The following PIK3IP1 variants were observed in gnomAD, a reference collection of about 807,000 sequenced individuals.
PIK3IP1 encodes the protein phosphoinositide-3-kinase interacting protein 1, also known as phosphoinositide-3-kinase-interacting protein 1.
In PIK3IP1, 28 loss-of-function variants were observed where a neutral mutation model predicts 30.7. The observed-to-expected ratio is 0.91, with a 90% confidence interval of 0.68 to 1.25. PIK3IP1 has a LOEUF of 1.25. Among genes scored for constraint, PIK3IP1 ranks in the 50% most tolerant of loss-of-function variants. PIK3IP1 has a pLI of 0.00. For missense variants in PIK3IP1, 333 were observed against 346.2 expected (o/e 0.96, Z 0.30); for synonymous variants, 159 against 140.8 (o/e 1.13, Z -0.91).
intron 3 of PIK3IP1, 108 bp from the exon 4 acceptor site, chr22:31,289,807 T>A: frequency 3.3e-6 from 4 of 1,197,314 alleles, no homozygotes; most frequent in Non-Finnish European, 4.7e-6. Context: ...ACCTAAGAAT[T>A]TCCCCCCACA....
At position 31,290,674 on chromosome 22, in the gene PIK3IP1, G is replaced by A; in HGVS notation, c.307+291C>T. The A allele has an allele frequency of 7.8e-6, 3 of 383,958 alleles. No individual in the cohort carries two copies. In the South Asian group the frequency reaches 1.4e-4, roughly 18 times the overall value. 23.8% of individuals were successfully genotyped at this position (383,958 alleles called of 1,614,324 possible). The stretch of plus-strand genomic sequence containing the variant: ...GACGCTCCGCAAACGGTCAATAAAC[G>A]CTGAGGGGCCAAAAGCCACTCCTCA... On this transcript the variant is annotated intron_variant, in intron 3 of 5. Transcript: ENST00000215912.
rs1329845731 is a variant in PIK3IP1, at chr22:31,289,647, A to G, written c.360T>C (p.Ser120=). The G allele has an allele frequency of 4.5e-6, 7 of 1,554,598 alleles. No individual in the cohort carries two copies. Among genetic ancestry groups the G allele is most frequent in the East Asian group, 4.8e-5 (2 of 41,666 alleles). Reference sequence around the variant, plus strand: ...GCACCTCATCTGCACCTGGCCCTTCAGACGCTTCCTGGATTTCTGTCGTGA... The same window carrying G: ...GCACCTCATCTGCACCTGGCCCTTCGGACGCTTCCTGGATTTCTGTCGTGA... ...PAFTTEIQEA[S]EGPGADEVQV... Residue 120 remains serine, a synonymous_variant, in exon 4 of 6, where the codon TCT becomes TCC. Coordinates refer to ENST00000215912, the MANE Select transcript of PIK3IP1 (RefSeq NM_052880.5).
chr22:31,290,678 A>AG (rs1016672665), intron 3 of PIK3IP1: 2 of 394,624 alleles, frequency 5.1e-6, no homozygotes, highest in Non-Finnish European at 4.5e-6. Flanking sequence ...ATAAACGCTG[A>AG]GGGGCCAAAA....
chr22:31,283,422 CA>C (rs1214796829), intron 5 of PIK3IP1, 134 bp from the exon 6 acceptor site: 21 of 886,620 alleles, frequency 2.4e-5, no homozygotes, highest in Middle Eastern at 2.4e-4. Flanking sequence ...AGCCAGGACC[CA>C]AACTCAGGTC....
At position 31,290,882 on chromosome 22, in the gene PIK3IP1, C is replaced by T. The variant is rs898183652; in HGVS notation, c.307+83G>A. On this transcript the variant is annotated intron_variant, in intron 3 of 5. Coordinates refer to ENST00000215912, the MANE Select transcript of PIK3IP1 (RefSeq NM_052880.5). Reference sequence around the variant, plus strand: ...GGCGGAGCGGGGCCGGCCGGCATCGCGCGGCCGCACGTGCGCCACGAGTGT... The same window carrying T: ...GGCGGAGCGGGGCCGGCCGGCATCGTGCGGCCGCACGTGCGCCACGAGTGT... 4.1e-5 allele frequency: 60 copies of T among 1,446,958 alleles called. 2 individuals carry two copies. Among genetic ancestry groups the T allele is most frequent in the African/African-American group, 4.5e-5 (3 of 66,594 alleles). 89.6% of individuals were successfully genotyped at this position (1,446,958 alleles called of 1,614,324 possible).
At chr22:31,284,362 T>C (rs2239906) in intron 5 of PIK3IP1, among the ~76,000 whole-genome samples, 13,088 of 152,234 alleles carry the variant, frequency 0.086, 866 homozygotes, top group East Asian at 0.41. Context: ...CAATTTGTAT[T>C]AATGAGGCAG....
chr22:31,291,437 T>G, intron 1 of PIK3IP1, 141 bp from the exon 2 acceptor site: 1 of 699,440 alleles, frequency 1.4e-6, no homozygotes, highest in Admixed American at 2.4e-5. Context: ...GGCCTCCCTC[T>G]CCTCTCGTGG....
At chr22:31,287,016 T>C (rs1320623029) in intron 5 of PIK3IP1, among the ~76,000 whole-genome samples, 1 of 128,886 alleles carries the variant, frequency 7.8e-6, no homozygotes, top group Non-Finnish European at 1.6e-5. Flanking sequence ...ATTACCCACT[T>C]TTTTTTTTTT....
chr22:31,283,187 A>C lies in PIK3IP1; in HGVS notation c.689T>G (p.Ile230Ser), dbSNP rs755425647. The change falls in exon 6 of 6, where the codon ATT becomes AGT. Residue 230 changes from isoleucine to serine, a missense_variant. Transcript: ENST00000215912. ...LSAFTNPTCE[I>S]VDEKTVVVHT... ...GACCACGACAGTCTTCTCATCCACA[A>C]TCTCACAGGTGGGGTTGGTGAAGGC... 1.2e-6 allele frequency: 2 copies of C among 1,614,170 alleles called. No homozygotes were observed. The highest frequency in any genetic ancestry group is 2.2e-5 in the South Asian group (2 of 91,080).
At chr22:31,289,777 A>G (rs1175988339) in intron 3 of PIK3IP1, 78 bp from the exon 4 acceptor site, 2 of 1,456,996 alleles carry the variant, frequency 1.4e-6, no homozygotes, top group Non-Finnish European at 1.9e-6. Context: ...CCTGAGTGTT[A>G]GGGTAGATGA....
intron 5 of PIK3IP1, among the ~76,000 whole-genome samples, chr22:31,286,506 G>GA (rs1407420188): frequency 6.6e-6 from 1 of 152,218 alleles, no homozygotes; most frequent in African/African-American, 2.4e-5. Flanking sequence ...TTCTGCTGAA[G>GA]AAAGGGGTGA....
At position 31,289,604 on chromosome 22, in the gene PIK3IP1, T is replaced by A. The variant is rs1164807714; in HGVS notation, c.403A>T (p.Asn135Tyr). ...ADEVQVFAPA[N>Y]ALPARSEAAA... ...GCCTCACTCCGAGCGGGCAGGGCGT[T>A]GGCAGGAGCGAACACCTGCACCTCA... The change falls in exon 4 of 6, where the codon AAC (asparagine) becomes TAC (tyrosine). Residue 135 changes from asparagine (N) to tyrosine (Y), a missense_variant. Asn to Tyr is a moderately radical substitution (Grantham distance 143, BLOSUM62 -2). Coordinates refer to ENST00000215912, the MANE Select transcript of PIK3IP1 (RefSeq NM_052880.5). 1.9e-6 allele frequency: 3 copies of A among 1,559,296 alleles called. No individual in the cohort carries two copies. In the African/African-American group the frequency reaches 4.1e-5, roughly 21 times the overall value.
chr22:31,284,189 C>A (rs1463173817), intron 5 of PIK3IP1, among the ~76,000 whole-genome samples: 1 of 152,232 alleles, frequency 6.6e-6, no homozygotes, highest in Non-Finnish European at 1.5e-5. Flanking sequence ...CAGGCGTGAG[C>A]CACCACACCC....
At chr22:31,290,924 C>A in intron 3 of PIK3IP1, 41 bp downstream of exon 3, 1 of 1,533,852 alleles carries the variant, frequency 6.5e-7, no homozygotes, top group East Asian at 2.5e-5. Context: ...CGCTTCCTGT[C>A]AGCGCCAGGA....
At chr22:31,292,136 G>T (rs1484710485) in intron 1 of PIK3IP1, 139 bp downstream of exon 1, 13 of 746,098 alleles carry the variant, frequency 1.7e-5, no homozygotes, top group Non-Finnish European at 2.3e-5. Context: ...AGGAAAGGAG[G>T]GGTGGAAAAG....
intron 4 of PIK3IP1, 27 bp downstream of exon 4, chr22:31,289,472 G>A (rs5753543): frequency 0.74 from 1,132,452 of 1,540,168 alleles, 419,823 homozygotes; most frequent in African/African-American, 0.95. Flanking sequence ...GAATCCCAAC[G>A]AGGGCAGGGG....
At chr22:31,291,320 A>G in intron 1 of PIK3IP1, 24 bp from the exon 2 acceptor site, 5 of 1,547,226 alleles carry the variant, frequency 3.2e-6, no homozygotes, top group Non-Finnish European at 3.5e-6. Flanking sequence ...AAGCCCCCGG[A>G]CACAGAATAG....
intron 3 of PIK3IP1, 63 bp from the exon 4 acceptor site, chr22:31,289,762 C>A: frequency 6.6e-6 from 10 of 1,526,022 alleles, no homozygotes; most frequent in Non-Finnish European, 8.9e-6. Context: ...CACAGCTGAA[C>A]CTGGCCTGAG....
Position 31,283,104 on chromosome 22 carries a change from C to A in PIK3IP1, c.772G>T (p.Ala258Ser), listed in dbSNP as rs1162812916. ...QEGTTPLMGQAGTPGA is the reference protein window; with the variant it reads ...QEGTTPLMGQSGTPGA Reference sequence around the variant, plus strand: ...GGGGCTCAGGCCCCAGGAGTCCCGGCCTGGCCCATAAGGGGGGTGGTGCCC... The same window carrying A: ...GGGGCTCAGGCCCCAGGAGTCCCGGACTGGCCCATAAGGGGGGTGGTGCCC... The change falls in exon 6 of 6, where the codon GCC (alanine) becomes TCC (serine). Residue 258 changes from alanine to serine, a missense_variant. Physicochemically the swap from Ala to Ser is moderately conservative, Grantham distance 99. Coordinates refer to ENST00000215912, the MANE Select transcript of PIK3IP1 (RefSeq NM_052880.5). 1 of 1,606,188 alleles carries A rather than the reference C, an allele frequency of 6.2e-7. No homozygotes were observed. Among genetic ancestry groups the A allele is most frequent in the Non-Finnish European group, 8.5e-7 (1 of 1,176,434 alleles).
Sources: allele counts gnomAD v4.1 joint callset (sites outside exome capture counted in the v4.1 genomes callset), GRCh38; gene constraint gnomAD v4.1.1; transcripts MANE v1.5; gene names NCBI Gene and HGNC (gene_info 2026-07-23, HGNC 2026-07-21).